Variants in PDS5B observed in about 807,000 individuals in gnomAD.
The protein encoded by PDS5B is PDS5 cohesin associated factor B, also known as sister chromatid cohesion protein PDS5 homolog B.
In PDS5B, 51 loss-of-function variants were observed where a neutral mutation model predicts 184.1. That is an observed-to-expected ratio of 0.28 (90% CI 0.22 to 0.35). PDS5B has a LOEUF of 0.35. Ranked by LOEUF, PDS5B falls within the 10% of genes least tolerant of loss-of-function variation. The probability of loss-of-function intolerance (pLI) is 1.00; values close to 1 mark genes in which losing one functional copy is unlikely to be tolerated. For synonymous variants in PDS5B, 566 were observed against 569.2 expected (o/e 0.99, Z 0.08); for missense variants, 1,180 against 1,723.3 (o/e 0.68, Z 5.58).
At chr13:32,679,643 A>AT (rs563288700) in intron 10 of PDS5B, among the ~76,000 whole-genome samples, 1 of 150,000 alleles carries the variant, frequency 6.7e-6, no homozygotes, top group African/African-American at 2.4e-5. Flanking sequence ...TATCTCAAAA[A>AT]AAAAAAAAAA....
intron 1 of PDS5B, among the ~76,000 whole-genome samples, chr13:32,617,515 A>G (rs1323490417): frequency 2.0e-5 from 3 of 152,216 alleles, no homozygotes; most frequent in Non-Finnish European, 4.4e-5. Flanking sequence ...TTTCTTGCAC[A>G]TATAACTCAA....
intron 6 of PDS5B, among the ~76,000 whole-genome samples, chr13:32,662,841 A>C (rs1031376089): frequency 6.6e-6 from 1 of 152,174 alleles, no homozygotes; most frequent in East Asian, 1.9e-4. Context: ...TAAATAAGCA[A>C]ATGCTTGGAA....
At position 32,776,176 on chromosome 13, in the gene PDS5B, T is replaced by C. The variant is rs1187880261; in HGVS notation, c.*1124T>C. 1 of 153,224 alleles carries C rather than the reference T, an allele frequency of 6.5e-6. No homozygotes were observed. The highest frequency in any genetic ancestry group is 2.4e-5 in the African/African-American group (1 of 41,436). 9.5% of individuals were successfully genotyped at this position (153,224 alleles called of 1,614,324 possible). On this transcript the variant is annotated 3_prime_UTR_variant, in exon 35 of 35. Transcript: ENST00000315596. ...GTGCTGAAAATGGGATGTGCTGTTT[T>C]CTGTAAATTCATATTTAGCCATAGT...
intron 1 of PDS5B, among the ~76,000 whole-genome samples, chr13:32,590,915 T>C (rs1467035746): frequency 6.6e-6 from 1 of 151,076 alleles, no homozygotes; most frequent in Non-Finnish European, 1.5e-5. Flanking sequence ...GGGAATAGAG[T>C]ACCTAAAGAA....
At chr13:32,754,734 G>A (rs960112694) in intron 25 of PDS5B, among the ~76,000 whole-genome samples, 1 of 152,122 alleles carries the variant, frequency 6.6e-6, no homozygotes, top group African/African-American at 2.4e-5. Context: ...CTGATTGCTT[G>A]TGGTTGTTGT....
chr13:32,757,085 C>G (rs1954207915), intron 26 of PDS5B, among the ~76,000 whole-genome samples: 1 of 151,612 alleles, frequency 6.6e-6, no homozygotes, highest in Admixed American at 6.6e-5. Flanking sequence ...AAGATCACAC[C>G]ACTGCACTCC....
Position 32,776,364 on chromosome 13 carries a change from A to C in PDS5B, c.*1312A>C, listed in dbSNP as rs1416708374. 6.6e-6 allele frequency: 1 copy of C among 152,434 alleles called. No individual in the cohort carries two copies. The highest frequency in any genetic ancestry group is 1.5e-5 in the Non-Finnish European group (1 of 67,920). 9.4% of individuals were successfully genotyped at this position (152,434 alleles called of 1,614,324 possible). A position where few individuals can be genotyped will look rare whatever the true frequency, so the allele number is the denominator to read the frequency against. On this transcript the variant is annotated 3_prime_UTR_variant, in exon 35 of 35. Transcript: ENST00000315596. ...TCACAGTCTTGTGAACTTTGAATGA[A>C]ATTCCACTTTGTCCAGATTGGGAGA...
chr13:32,758,006 T>TTATATTTAGAATTATTGTATC, intron 26 of PDS5B, 81 bp from the exon 27 acceptor site: 1 of 573,662 alleles, frequency 1.7e-6, no homozygotes, highest in Non-Finnish European at 2.8e-6. Flanking sequence ...TTTGTTATAT[T>TTATATTTAGAATTATTGTATC]TATATTTAGA....
At chr13:32,726,658 A>C (rs1566379025) in intron 19 of PDS5B, among the ~76,000 whole-genome samples, 1 of 152,064 alleles carries the variant, frequency 6.6e-6, no homozygotes. Flanking sequence ...TTTGTGTCTG[A>C]GAATAGTGTA....
intron 10 of PDS5B, among the ~76,000 whole-genome samples, chr13:32,680,276 G>T (rs574062160): frequency 1.3e-5 from 2 of 151,992 alleles, no homozygotes; most frequent in South Asian, 2.1e-4. Context: ...GATTAAGAGT[G>T]GGGGGCTGAA....
At chr13:32,668,712 TAAGA>T (rs1317574935) in intron 7 of PDS5B, among the ~76,000 whole-genome samples, 1 of 152,174 alleles carries the variant, frequency 6.6e-6, no homozygotes, top group African/African-American at 2.4e-5. Context: ...CTGAGTAAAG[TAAGA>T]AAGAAAGCCT....
intron 19 of PDS5B, among the ~76,000 whole-genome samples, chr13:32,726,583 G>A (rs983540528): frequency 3.3e-5 from 5 of 152,216 alleles, no homozygotes; most frequent in Non-Finnish European, 7.3e-5. Flanking sequence ...AGCCTTGCCA[G>A]TAGACGATGT....
intron 3 of PDS5B, among the ~76,000 whole-genome samples, chr13:32,655,249 G>A (rs1371627229): frequency 6.7e-6 from 1 of 148,252 alleles, no homozygotes; most frequent in Non-Finnish European, 1.5e-5. Flanking sequence ...ATGATATCTT[G>A]TTGTGGTTTT....
chr13:32,661,385 C>CAAAA (rs747985772), intron 6 of PDS5B, among the ~76,000 whole-genome samples: 966 of 31,996 alleles, frequency 0.03, 223 homozygotes, highest in Non-Finnish European at 0.046. Flanking sequence ...GACTCTGTCT[C>CAAAA]AAAAAAAAAA....
At chr13:32,662,265 A>C (rs1483066083) in intron 6 of PDS5B, among the ~76,000 whole-genome samples, 2 of 152,148 alleles carry the variant, frequency 1.3e-5, no homozygotes, top group East Asian at 3.8e-4. Context: ...AAGATATCTA[A>C]ACTTGTGTGC....
intron 19 of PDS5B, among the ~76,000 whole-genome samples, chr13:32,717,561 C>T (rs1202819114): frequency 6.6e-5 from 9 of 135,692 alleles, no homozygotes; most frequent in Non-Finnish European, 1.3e-4. Flanking sequence ...TGCGGAAGGC[C>T]GCAGGGTCCT....
At chr13:32,596,260 G>A (rs1423334788) in intron 1 of PDS5B, among the ~76,000 whole-genome samples, 2 of 152,170 alleles carry the variant, frequency 1.3e-5, no homozygotes, top group Non-Finnish European at 2.9e-5. Context: ...ATTTTTAAAT[G>A]TAGATTAGTT....
intron 1 of PDS5B, among the ~76,000 whole-genome samples, chr13:32,618,052 A>G (rs567938230): frequency 6.6e-6 from 1 of 152,276 alleles, no homozygotes; most frequent in South Asian, 2.1e-4. Flanking sequence ...GGTGGAAGGA[A>G]GGCGGAAGGG....
intron 3 of PDS5B, among the ~76,000 whole-genome samples, chr13:32,653,296 C>CA (rs915575573): frequency 5.3e-5 from 8 of 151,170 alleles, no homozygotes; most frequent in African/African-American, 1.9e-4. Context: ...GAAAACAAAA[C>CA]AAAAAAAAGA....
Sources: allele counts gnomAD v4.1 joint callset (sites outside exome capture counted in the v4.1 genomes callset), GRCh38; gene constraint gnomAD v4.1.1; transcripts MANE v1.5; gene names NCBI Gene and HGNC (gene_info 2026-07-23, HGNC 2026-07-21).